Variants in ZHX2 observed in about 807,000 individuals in gnomAD.
ZHX2 encodes the protein zinc fingers and homeoboxes protein 2.
Under a neutral mutation model 21.9 loss-of-function variants are expected in ZHX2, and 6 were observed. That is an observed-to-expected ratio of 0.27 (90% confidence interval 0.15 to 0.54). ZHX2 has a LOEUF of 0.54. Among genes scored for constraint, ZHX2 ranks in the 20% least tolerant of loss-of-function variants. The pLI, the probability that ZHX2 is intolerant of heterozygous loss-of-function variation, is 0.95. For missense variants in ZHX2, 908 were observed against 1,090.7 expected (o/e 0.83, Z 2.36); for synonymous variants, 434 against 437.1 (o/e 0.99, Z 0.09).
intron 1 of ZHX2, among the ~76,000 whole-genome samples, chr8:122,848,656 T>G (rs981708897): frequency 3.3e-5 from 5 of 152,180 alleles, no homozygotes; most frequent in Admixed American, 6.5e-5. Context: ...GGAGGATGTT[T>G]TGCCTGGATT....
chr8:122,971,611 C>CAAAAAAAAAAAAAAAAAA (rs56331425), intron 3 of ZHX2, among the ~76,000 whole-genome samples: 3 of 81,794 alleles, frequency 3.7e-5, no homozygotes, highest in African/African-American at 1.4e-4. Context: ...GGCCCCTGTA[C>CAAAAAAAAAAAAAAAAAA]AAAAAAAAAA....
At chr8:122,897,124 G>A (rs918601259) in intron 2 of ZHX2, among the ~76,000 whole-genome samples, 1 of 152,138 alleles carries the variant, frequency 6.6e-6, no homozygotes, top group Non-Finnish European at 1.5e-5. Context: ...TAGGAGCCTG[G>A]GCTTCCCCTG....
At chr8:122,899,640 C>T (rs1454751220) in intron 2 of ZHX2, among the ~76,000 whole-genome samples, 1 of 152,134 alleles carries the variant, frequency 6.6e-6, no homozygotes, top group Non-Finnish European at 1.5e-5. Context: ...ATTTGTCTTA[C>T]CTGAGTCTAA....
chr8:122,850,760 G>A (rs892456967), intron 1 of ZHX2, among the ~76,000 whole-genome samples: 4 of 149,452 alleles, frequency 2.7e-5, no homozygotes, highest in African/African-American at 7.5e-5. Context: ...GCACATACCC[G>A]TGACTGTCTA....
chr8:122,860,831 G>C (rs1255629661), intron 1 of ZHX2, among the ~76,000 whole-genome samples: 1 of 151,948 alleles, frequency 6.6e-6, no homozygotes, highest in East Asian at 1.9e-4. Flanking sequence ...GTCAGAGATC[G>C]AGGCCATCCT....
At chr8:122,824,704 T>C (rs947815051) in intron 1 of ZHX2, among the ~76,000 whole-genome samples, 2 of 152,222 alleles carry the variant, frequency 1.3e-5, no homozygotes, top group Non-Finnish European at 2.9e-5. Flanking sequence ...GTATTAGTTT[T>C]CTATGGCTGC....
intron 2 of ZHX2, among the ~76,000 whole-genome samples, chr8:122,896,096 A>G (rs929054234): frequency 6.6e-6 from 1 of 152,150 alleles, no homozygotes; most frequent in Non-Finnish European, 1.5e-5. Context: ...TGAAGCTGGA[A>G]TGCCTCAGAG....
rs3221811 is a variant in ZHX2 at position 122,843,959 on chromosome 8, T to TCACA, written c.-282-19489_-282-19486dup. Among the ~76,000 whole-genome samples, 412 of 148,930 alleles carry TCACA rather than the reference T, an allele frequency of 2.8e-3. 1 individual carries two copies. Among genetic ancestry groups the TCACA allele is most frequent in the South Asian group, 0.013 (61 of 4,664 alleles). ...ACACTTCGCTTTTTGTTCTCACCCTTCACACACACACACACACACACACAC... is the reference window on the plus strand; with the variant it reads ...ACACTTCGCTTTTTGTTCTCACCCTTCACACACACACACACACACACACACACAC... On this transcript the variant is annotated intron_variant, in intron 1 of 3. Transcript: ENST00000314393.
chr8:122,936,588 AACTC>A (rs1385726634), intron 2 of ZHX2, among the ~76,000 whole-genome samples: 6 of 152,194 alleles, frequency 3.9e-5, no homozygotes, highest in Non-Finnish European at 8.8e-5. Flanking sequence ...GCTGGCCTGA[AACTC>A]TGTCTGTCGG....
intron 1 of ZHX2, among the ~76,000 whole-genome samples, chr8:122,849,182 C>T (rs1357476523): frequency 6.6e-6 from 1 of 152,164 alleles, no homozygotes; most frequent in East Asian, 1.9e-4. Flanking sequence ...GAGAGCCTGG[C>T]ACTGCCATTC....
intron 1 of ZHX2, among the ~76,000 whole-genome samples, chr8:122,807,997 C>G (rs181264529): frequency 3.2e-4 from 48 of 152,306 alleles, no homozygotes; most frequent in African/African-American, 1.1e-3. Flanking sequence ...GTCACCCAGC[C>G]TTGTTATTGG....
At chr8:122,934,623 T>TTTTC (rs1554586895) in intron 2 of ZHX2, among the ~76,000 whole-genome samples, 1 of 109,268 alleles carries the variant, frequency 9.2e-6, no homozygotes, top group African/African-American at 6.6e-5. Flanking sequence ...TCCTTCCTTC[T>TTTTC]TTCCTTCCTT....
At position 122,951,470 on chromosome 8, in the gene ZHX2, A is replaced by T; in HGVS notation, c.-41A>T. On this transcript the variant is annotated 5_prime_UTR_variant, in exon 3 of 4. Coordinates refer to ENST00000314393, the MANE Select transcript of ZHX2 (RefSeq NM_014943.5). ...CCAAGAATCTCACCGCCCCCTCCTT[A>T]TCCCCCTCCAAAAATAAGCCATTGC... 2.4e-6 allele frequency: 3 copies of T among 1,231,372 alleles called. No individual in the cohort carries two copies. The highest frequency in any genetic ancestry group is 2.5e-5 in the East Asian group (1 of 39,774). The allele number at this position is 1,231,372 out of a possible 1,614,324, so 76.3% of individuals were successfully genotyped here.
At chr8:122,843,238 C>T (rs539224312) in intron 1 of ZHX2, among the ~76,000 whole-genome samples, 5 of 152,194 alleles carry the variant, frequency 3.3e-5, no homozygotes, top group Admixed American at 6.5e-5. Context: ...CATTATTTTA[C>T]GGAGCTTGGT....
chr8:122,963,868 G>GT (rs74184057), intron 3 of ZHX2, among the ~76,000 whole-genome samples: 5 of 90,420 alleles, frequency 5.5e-5, no homozygotes, highest in Admixed American at 2.3e-4. Context: ...CCTAAGTTGG[G>GT]TTTTTTTTGT....
chr8:122,826,274 T>C (rs1272693933), intron 1 of ZHX2, among the ~76,000 whole-genome samples: 1 of 152,366 alleles, frequency 6.6e-6, no homozygotes, highest in East Asian at 1.9e-4. Context: ...CCAACGGTTT[T>C]TCCCAAACTA....
At chr8:122,833,996 C>A (rs1280501858) in intron 1 of ZHX2, among the ~76,000 whole-genome samples, 17 of 141,366 alleles carry the variant, frequency 1.2e-4, no homozygotes, top group Admixed American at 2.8e-4. Context: ...GACTCCGTCT[C>A]AAAAAAAAAA....
At chr8:122,884,765 C>T (rs899031399) in intron 2 of ZHX2, among the ~76,000 whole-genome samples, 8 of 152,168 alleles carry the variant, frequency 5.3e-5, no homozygotes, top group South Asian at 2.1e-4. Flanking sequence ...CATGTGAGCC[C>T]GGTCCAGACC....
chr8:122,931,751 T>C (rs1821000121), intron 2 of ZHX2, among the ~76,000 whole-genome samples: 1 of 152,160 alleles, frequency 6.6e-6, no homozygotes. Flanking sequence ...TGGTCTAGGA[T>C]GTGGCCTGAG....
Sources: allele counts gnomAD v4.1 joint callset (sites outside exome capture counted in the v4.1 genomes callset), GRCh38; gene constraint gnomAD v4.1.1; transcripts MANE v1.5; gene names NCBI Gene and HGNC (gene_info 2026-07-23, HGNC 2026-07-21).